The following PRAMEF11 variants were observed in gnomAD, a reference collection of about 807,000 sequenced individuals.
The protein encoded by PRAMEF11 is PRAME family member 11.
A neutral mutation model predicts 33.6 loss-of-function variants in PRAMEF11; 17 were observed. The ratio of observed to expected loss-of-function variants is 0.51; its 90% confidence interval spans 0.35 to 0.76. The LOEUF (loss-of-function observed/expected upper bound fraction) is 0.76, where lower values mean the gene tolerates loss of function less well. Among genes scored for constraint, PRAMEF11 ranks in the 30% least tolerant of loss-of-function variants. PRAMEF11 has a pLI of 0.01. For synonymous variants in PRAMEF11, 205 were observed against 227.3 expected (o/e 0.90, Z 0.88); for missense variants, 568 against 567.0 (o/e 1.00, Z -0.02).
intron 1 of PRAMEF11, 101 bp from the exon 2 acceptor site, chr1:12,828,906 A>T (rs1557612403): frequency 9.2e-6 from 14 of 1,528,966 alleles, no homozygotes; most frequent in East Asian, 2.3e-5. Flanking sequence ...GCAATGGTGA[A>T]ACAGCCCTCA....
Position 12,831,350 on chromosome 1 carries a change from A to G in PRAMEF11, c.-17+6T>C, listed in dbSNP as rs1856628. 1 of 151,066 alleles carries G rather than the reference A, an allele frequency of 6.6e-6. No homozygotes were observed. The highest frequency in any genetic ancestry group is 1.5e-5 in the Non-Finnish European group (1 of 67,730). The allele number at this position is 151,066 out of a possible 1,614,324, so 9.4% of individuals were successfully genotyped here. A position where few individuals can be genotyped will look rare whatever the true frequency, so the allele number is the denominator to read the frequency against. On this transcript the variant is annotated splice_donor_region_variant and intron_variant, in intron 1 of 3. Transcript: ENST00000619922. ...GGGAGTGTCCTTACAGAAATTAGTG[A>G]CTTACCAGATCTGGATGTAGTCTAG...
chr1:12,825,198 A>C lies in PRAMEF11; in HGVS notation c.1181T>G (p.Met394Arg). The change falls in exon 4 of 4, where the codon ATG (methionine) becomes AGG (arginine). Residue 394 changes from methionine to arginine, a missense_variant. This residue lies in a region of PRAMEF11 where 174 missense variants were observed against 127.2 expected (regional missense o/e 1.37). Coordinates refer to ENST00000619922, the MANE Select transcript of PRAMEF11 (RefSeq NM_001146344.3). The part of the protein sequence containing the change: ...TFSFCGNPIC[M>R]ATLENLLSHT... ...GCTCAGCAGGTTCTCCAGGGTGGCC[A>C]TGCAGATGGGATTTCCACAGAAGCT... is the stretch of plus-strand genomic sequence containing the variant. The C allele has an allele frequency of 6.2e-7, 1 of 1,608,148 alleles. No individual in the cohort carries two copies. Among genetic ancestry groups the C allele is most frequent in the Non-Finnish European group, 8.5e-7 (1 of 1,177,680 alleles).
chr1:12,830,745 T>G (rs1035980862), intron 1 of PRAMEF11, among the ~76,000 whole-genome samples: 3 of 150,020 alleles, frequency 2.0e-5, no homozygotes, highest in Non-Finnish European at 3.0e-5. Context: ...TCCCAGCACT[T>G]TGGGAGGCCA....
At chr1:12,826,194 G>T (rs571416012) in intron 3 of PRAMEF11, among the ~76,000 whole-genome samples, 13 of 151,020 alleles carry the variant, frequency 8.6e-5, no homozygotes, top group African/African-American at 3.2e-4. Context: ...GGCTGCAGGC[G>T]TCCCTGACAC....
rs1457408029 is a variant in PRAMEF11, at chr1:12,827,654, A to G, written c.470T>C (p.Leu157Pro). Residue 157 changes from leucine to proline, a missense_variant, in exon 3 of 4, where the codon CTC becomes CCC. Coordinates refer to ENST00000619922, the MANE Select transcript of PRAMEF11 (RefSeq NM_001146344.3). The part of the protein sequence containing the change: ...QPLTVFVELW[L>P]KNRTLDEYLT... ...GTATTCATCCAGAGTCCTGTTCTTG[A>G]GCCAAAGTTCTACAAACACAGTCAA... 6.2e-7 allele frequency: 1 copy of G among 1,609,606 alleles called. No homozygotes were observed. Among genetic ancestry groups the G allele is most frequent in the East Asian group, 2.3e-5 (1 of 44,394 alleles).
At chr1:12,828,466 C>A in intron 2 of PRAMEF11, 31 bp downstream of exon 2, 1 of 1,583,006 alleles carries the variant, frequency 6.3e-7, no homozygotes, top group Non-Finnish European at 8.6e-7. Flanking sequence ...ACACCTGGGC[C>A]CTCCCCACCA....
intron 1 of PRAMEF11, among the ~76,000 whole-genome samples, chr1:12,830,499 A>G (rs1048494407): frequency 1.3e-5 from 2 of 151,174 alleles, no homozygotes; most frequent in Non-Finnish European, 3.0e-5. Flanking sequence ...AATTAAGGTC[A>G]AAGATCCTTT....
chr1:12,827,651 T>G lies in PRAMEF11; in HGVS notation c.473A>C (p.Lys158Thr), dbSNP rs776529171. The G allele has an allele frequency of 4.3e-6, 7 of 1,609,656 alleles. No individual in the cohort carries two copies. The East Asian group carries it at 9.0e-5, about 21-fold the overall frequency. ...GAGGTATTCATCCAGAGTCCTGTTC[T>G]TGAGCCAAAGTTCTACAAACACAGT... ...PLTVFVELWLKNRTLDEYLTC... is the reference protein window; with the variant it reads ...PLTVFVELWLTNRTLDEYLTC... Residue 158 changes from lysine (K) to threonine (T), a missense_variant, in exon 3 of 4, where the codon AAG becomes ACG. Coordinates refer to ENST00000619922, the MANE Select transcript of PRAMEF11 (RefSeq NM_001146344.3).
Position 12,829,626 on chromosome 1 carries a change from T to C in PRAMEF11, c.-16-821A>G, listed in dbSNP as rs1428730181. Among the ~76,000 whole-genome samples, 2 of 151,344 alleles carry C rather than the reference T, an allele frequency of 1.3e-5. 1 individual carries two copies. Among genetic ancestry groups the C allele is most frequent in the Non-Finnish European group, 2.9e-5 (2 of 67,810 alleles). ...GATTTCGCTATGTTGTCCAAGCTGG[T>C]CTTGAACTCCTAGTCTCAAGCAATC... On this transcript the variant is annotated intron_variant, in intron 1 of 3. Transcript: ENST00000619922.
intron 1 of PRAMEF11, among the ~76,000 whole-genome samples, chr1:12,830,999 CAAAA>C (rs34338341): frequency 2.3e-5 from 3 of 132,282 alleles, no homozygotes; most frequent in Non-Finnish European, 3.3e-5. Context: ...TCCCCACCCT[CAAAA>C]AAAAAAAAAA....
At chr1:12,825,835 G>A (rs542768900) in intron 3 of PRAMEF11, among the ~76,000 whole-genome samples, 3 of 150,848 alleles carry the variant, frequency 2.0e-5, no homozygotes, top group Admixed American at 6.7e-5. Context: ...TTAGCCAGGT[G>A]TGGTGGCGGG....
Position 12,827,236 on chromosome 1 carries a change from C to T in PRAMEF11, c.875+13G>A, listed in dbSNP as rs770378525. ...GCTGTGGTCTGCAGAGAAAGCTCAC[C>T]ACCCTCCCTCACCTGAGCAGCTGGT... is the stretch of plus-strand genomic sequence containing the variant. On this transcript the variant is annotated intron_variant, in intron 3 of 3. Coordinates refer to ENST00000619922, the MANE Select transcript of PRAMEF11 (RefSeq NM_001146344.3). The T allele has an allele frequency of 1.9e-6, 3 of 1,589,044 alleles. No homozygotes were observed. Among genetic ancestry groups the T allele is most frequent in the South Asian group, 2.2e-5 (2 of 89,856 alleles).
Position 12,824,758 on chromosome 1 carries a change from G to A in PRAMEF11, c.*184C>T. The stretch of plus-strand genomic sequence containing the variant: ...GGATACAGGTTCCCAAAGTCCCATT[G>A]AATCCATGGCAACATTTCCCCCAAG... On this transcript the variant is annotated 3_prime_UTR_variant, in exon 4 of 4. Coordinates refer to ENST00000619922, the MANE Select transcript of PRAMEF11 (RefSeq NM_001146344.3). The A allele has an allele frequency of 4.2e-6, 4 of 955,244 alleles. No individual in the cohort carries two copies. Among genetic ancestry groups the A allele is most frequent in the African/African-American group, 3.4e-5 (2 of 58,604 alleles). 59.2% of individuals were successfully genotyped at this position (955,244 alleles called of 1,614,324 possible).
intron 2 of PRAMEF11, 61 bp from the exon 3 acceptor site, chr1:12,827,891 C>T: frequency 1.3e-6 from 2 of 1,599,176 alleles, no homozygotes; most frequent in South Asian, 1.1e-5. Context: ...TTAAACTCCA[C>T]ATCCTGCATA....
At chr1:12,826,901 C>T (rs1290000166) in intron 3 of PRAMEF11, among the ~76,000 whole-genome samples, 1 of 150,918 alleles carries the variant, frequency 6.6e-6, no homozygotes, top group Non-Finnish European at 1.5e-5. Context: ...GCTAGGATTA[C>T]AGGCATGAGC....
chr1:12,827,915 T>C, intron 2 of PRAMEF11, 85 bp from the exon 3 acceptor site: 4 of 1,586,232 alleles, frequency 2.5e-6, no homozygotes, highest in South Asian at 1.1e-5. Context: ...GCTCCTCCCC[T>C]CCCTGCTTGT....
chr1:12,829,680 G>A (rs1387816750), intron 1 of PRAMEF11, among the ~76,000 whole-genome samples: 1 of 151,346 alleles, frequency 6.6e-6, no homozygotes, highest in Admixed American at 6.6e-5. Flanking sequence ...AACATAGTGG[G>A]ATTATAGGTG....
At chr1:12,829,549 C>T (rs2100347287) in intron 1 of PRAMEF11, among the ~76,000 whole-genome samples, 1 of 151,408 alleles carries the variant, frequency 6.6e-6, no homozygotes, top group African/African-American at 2.4e-5. Flanking sequence ...CACAGTTATG[C>T]ATCACCACAC....
chr1:12,826,639 G>T (rs1639874305), intron 3 of PRAMEF11, among the ~76,000 whole-genome samples: 1 of 151,208 alleles, frequency 6.6e-6, no homozygotes, highest in Non-Finnish European at 1.5e-5. Flanking sequence ...GCCCACGCCT[G>T]TAATCCCAGG....
Sources: gnomAD v4.1 joint callset for allele counts (sites outside exome capture counted in the v4.1 genomes callset) on GRCh38, gnomAD v4.1.1 for gene constraint, gnomAD v4.1.1 regional missense constraint, MANE v1.5 for transcripts, NCBI Gene and HGNC (gene_info 2026-07-23, HGNC 2026-07-21) for gene names.